CDKN2B-AS1: variants seen among roughly 807,000 people sequenced by gnomAD.
The protein encoded by CDKN2B-AS1 is CDKN2B antisense RNA 1 (non-protein coding).
At chr9:22,020,973 G>A (rs1821990074) in intron 1 of CDKN2B-AS1, among the ~76,000 whole-genome samples, 1 of 152,168 alleles carries the variant, frequency 6.6e-6, no homozygotes. Flanking sequence ...GAATGGTACT[G>A]CCTAGACTGT....
chr9:22,008,027 G>T (rs2069422), intron 1 of CDKN2B-AS1, among the ~76,000 whole-genome samples: 138,174 of 152,216 alleles, frequency 0.91, 62,721 homozygotes, highest in East Asian at 0.98. Context: ...AGAGTTGTCC[G>T]AGATTGTAAA....
intron 1 of CDKN2B-AS1, among the ~76,000 whole-genome samples, chr9:22,014,190 T>G (rs1309910440): frequency 2.6e-5 from 4 of 152,096 alleles, no homozygotes; most frequent in Admixed American, 2.6e-4. Context: ...TGAGACAGAG[T>G]CTTGCACTGT....
chr9:22,022,588 G>T (rs1250214898), intron 1 of CDKN2B-AS1, among the ~76,000 whole-genome samples: 1 of 152,018 alleles, frequency 6.6e-6, no homozygotes, highest in Non-Finnish European at 1.5e-5. Context: ...GATGGGTCTT[G>T]GCTCTTTACT....
intron 4 of CDKN2B-AS1, among the ~76,000 whole-genome samples, chr9:22,089,303 A>G (rs1824980437): frequency 6.6e-6 from 1 of 152,210 alleles, no homozygotes; most frequent in Non-Finnish European, 1.5e-5. Context: ...CAAAATCTTG[A>G]ATTGATGATA....
At chr9:22,003,731 T>A (rs1054348817) in intron 1 of CDKN2B-AS1, 1 of 232,000 alleles carries the variant, frequency 4.3e-6, no homozygotes, top group Non-Finnish European at 8.5e-6. Context: ...TCCAAAAATT[T>A]GGGTTTTTAT....
At chr9:22,119,866 G>A (rs1826054257) in intron 4 of CDKN2B-AS1, 1 of 152,168 alleles carries the variant, frequency 6.6e-6, no homozygotes, top group Admixed American at 6.5e-5. Flanking sequence ...TTGAGGCTTA[G>A]CAGTCAAGTT....
At position 22,038,197 on chromosome 9, in the gene CDKN2B-AS1, A is replaced by AT. The variant is rs941171579; in HGVS notation, n.30-8545dup. 7.9e-5 allele frequency among the ~76,000 whole-genome samples: 12 copies of AT among 151,394 alleles called. No homozygotes were observed. In the South Asian group the frequency reaches 8.4e-4, roughly 11 times the overall value. On this transcript the variant is annotated intron_variant and non_coding_transcript_variant, in intron 1 of 4. Transcript: ENST00000650946. ...CACTACAACAGACATAAAATTATGG[A>AT]TTTTTTTTTCAGTGCAATTTTCATA... is the stretch of plus-strand genomic sequence containing the variant.
chr9:22,045,356 G>T (rs1013635089), intron 1 of CDKN2B-AS1, among the ~76,000 whole-genome samples: 1 of 151,926 alleles, frequency 6.6e-6, no homozygotes, highest in Non-Finnish European at 1.5e-5. Flanking sequence ...ACTTAGAGAG[G>T]TTTATTTACT....
intron 4 of CDKN2B-AS1, among the ~76,000 whole-genome samples, chr9:22,079,993 T>A (rs1318238447): frequency 6.6e-6 from 1 of 152,248 alleles, no homozygotes; most frequent in Non-Finnish European, 1.5e-5. Context: ...AGAATCTGCC[T>A]GTTCATCAAA....
chr9:22,069,342 AT>A (rs1824194306), intron 4 of CDKN2B-AS1, among the ~76,000 whole-genome samples: 1 of 71,168 alleles, frequency 1.4e-5, no homozygotes, highest in South Asian at 5.0e-4. Flanking sequence ...GTACATAGAA[AT>A]TTTTTTCTCG....
chr9:22,008,911 C>A (rs1325070620), intron 1 of CDKN2B-AS1: 5 of 1,612,850 alleles, frequency 3.1e-6, no homozygotes, highest in Non-Finnish European at 3.4e-6. Context: ...AGACCCTCAT[C>A]GCTGCCGCCC....
chr9:22,060,526 C>G (rs768873188), intron 4 of CDKN2B-AS1, among the ~76,000 whole-genome samples: 1 of 152,196 alleles, frequency 6.6e-6, no homozygotes, highest in African/African-American at 2.4e-5. Flanking sequence ...TCTAAGCATT[C>G]CCACATTTTC....
At chr9:22,025,986 T>C (rs1822220864) in intron 1 of CDKN2B-AS1, among the ~76,000 whole-genome samples, 1 of 151,244 alleles carries the variant, frequency 6.6e-6, no homozygotes, top group African/African-American at 2.4e-5. Context: ...AAAGGTCCCA[T>C]GGAAGTCTGA....
At chr9:22,020,040 T>C (rs1457965253) in intron 1 of CDKN2B-AS1, among the ~76,000 whole-genome samples, 1 of 152,106 alleles carries the variant, frequency 6.6e-6, no homozygotes, top group Non-Finnish European at 1.5e-5. Context: ...CACCTTCTGA[T>C]AGGCCCCGGT....
At chr9:22,048,835 CA>C (rs1823217291) in intron 2 of CDKN2B-AS1, among the ~76,000 whole-genome samples, 1 of 152,060 alleles carries the variant, frequency 6.6e-6, no homozygotes, top group African/African-American at 2.4e-5. Context: ...GCTGTTTTGA[CA>C]ATGAGAAATA....
At chr9:22,049,943 C>G (rs1163368290) in intron 3 of CDKN2B-AS1, among the ~76,000 whole-genome samples, 1 of 151,982 alleles carries the variant, frequency 6.6e-6, no homozygotes, top group Non-Finnish European at 1.5e-5. Flanking sequence ...TGTATAGACT[C>G]CATGGCTAGG....
intron 4 of CDKN2B-AS1, among the ~76,000 whole-genome samples, chr9:22,059,377 A>G (rs1303231462): frequency 6.6e-6 from 1 of 152,210 alleles, no homozygotes; most frequent in Non-Finnish European, 1.5e-5. Context: ...CAAGTCCAAA[A>G]TCCAGCGAGG....
intron 4 of CDKN2B-AS1, among the ~76,000 whole-genome samples, chr9:22,069,054 C>A (rs1305706930): frequency 1.3e-5 from 2 of 152,218 alleles, no homozygotes; most frequent in African/African-American, 4.8e-5. Flanking sequence ...CCTGTCATTG[C>A]ATGTTAGCTT....
chr9:22,109,910 T>C (rs777339517), intron 4 of CDKN2B-AS1, among the ~76,000 whole-genome samples: 1 of 152,130 alleles, frequency 6.6e-6, no homozygotes, highest in Non-Finnish European at 1.5e-5. Flanking sequence ...TCCTTCTATT[T>C]GGTCTGATAA....
Sources: gnomAD v4.1 joint callset for allele counts (sites outside exome capture counted in the v4.1 genomes callset) on GRCh38, gnomAD v4.1.1 for gene constraint, MANE v1.5 for transcripts, NCBI Gene and HGNC (gene_info 2026-07-23, HGNC 2026-07-21) for gene names.